The following ERBB4 variants were observed in gnomAD, a reference collection of about 807,000 sequenced individuals.
The protein encoded by ERBB4 is receptor tyrosine-protein kinase erbB-4.
A neutral mutation model predicts 158.0 loss-of-function variants in ERBB4; 42 were observed. That is an observed-to-expected ratio of 0.27 (90% CI 0.21 to 0.34). The LOEUF (loss-of-function observed/expected upper bound fraction) is 0.34. ERBB4 is among the 10% of genes least tolerant of loss of function. The pLI, the probability that ERBB4 is intolerant of heterozygous loss-of-function variation, is 1.00. For missense variants in ERBB4, 1,333 were observed against 1,624.1 expected (o/e 0.82, Z 3.08); for synonymous variants, 583 against 558.7 (o/e 1.04, Z -0.61).
chr2:211,944,177 CTATATA>C (rs59741173), intron 3 of ERBB4, among the ~76,000 whole-genome samples: 504 of 38,576 alleles, frequency 0.013, 18 homozygotes, highest in South Asian at 0.03. Flanking sequence ...TATATATATA[CTATATA>C]TATATATATA....
At chr2:212,066,172 A>C (rs2077941879) in intron 2 of ERBB4, among the ~76,000 whole-genome samples, 2 of 151,944 alleles carry the variant, frequency 1.3e-5, no homozygotes, top group South Asian at 4.1e-4. Context: ...GAGCAACAGG[A>C]GTAAATTTAA....
At chr2:211,939,631 T>A (rs1310980109) in intron 3 of ERBB4, among the ~76,000 whole-genome samples, 1 of 152,100 alleles carries the variant, frequency 6.6e-6, no homozygotes, top group Non-Finnish European at 1.5e-5. Flanking sequence ...AAAAATAGCA[T>A]GCACTCTTCA....
chr2:212,105,935 A>G (rs1182826222), intron 2 of ERBB4, among the ~76,000 whole-genome samples: 1 of 152,192 alleles, frequency 6.6e-6, no homozygotes, highest in Non-Finnish European at 1.5e-5. Flanking sequence ...GCCTCTGTGT[A>G]AGACATGTCT....
intron 20 of ERBB4, among the ~76,000 whole-genome samples, chr2:211,553,455 A>C (rs1007966995): frequency 7.9e-5 from 12 of 152,208 alleles, no homozygotes; most frequent in African/African-American, 2.9e-4. Context: ...AACAAATGCT[A>C]AATACTTTGT....
chr2:212,254,610 C>T (rs80114373), intron 1 of ERBB4, among the ~76,000 whole-genome samples: 1,692 of 152,112 alleles, frequency 0.011, 39 homozygotes, highest in African/African-American at 0.038. Flanking sequence ...TGACACCATT[C>T]CCCACGAATC....
chr2:212,524,216 G>A (rs571182777), intron 1 of ERBB4, among the ~76,000 whole-genome samples: 2 of 151,950 alleles, frequency 1.3e-5, no homozygotes, highest in African/African-American at 4.8e-5. Context: ...TTAAGCTGAC[G>A]TTCATAATTT....
At chr2:211,889,036 T>C (rs1423127340) in intron 3 of ERBB4, among the ~76,000 whole-genome samples, 3 of 142,846 alleles carry the variant, frequency 2.1e-5, no homozygotes, top group Non-Finnish European at 3.0e-5. Flanking sequence ...TCGAACTGGG[T>C]AGAGCCCACC....
intron 1 of ERBB4, among the ~76,000 whole-genome samples, chr2:212,297,628 C>T (rs1048030055): frequency 2.0e-5 from 3 of 150,178 alleles, no homozygotes; most frequent in South Asian, 2.1e-4. Flanking sequence ...ATTATTTGAT[C>T]ACTGGCTACT....
At chr2:211,522,538 T>C (rs898260377) in intron 20 of ERBB4, among the ~76,000 whole-genome samples, 6 of 152,150 alleles carry the variant, frequency 3.9e-5, no homozygotes, top group Non-Finnish European at 5.9e-5. Context: ...TATATAAACT[T>C]AGTTGATGGA....
At chr2:212,293,367 T>A (rs2086278548) in intron 1 of ERBB4, among the ~76,000 whole-genome samples, 3 of 151,946 alleles carry the variant, frequency 2.0e-5, no homozygotes, top group African/African-American at 7.2e-5. Context: ...TATTCCATAA[T>A]AAAAATCTGA....
At chr2:211,558,073 C>A (rs1030450241) in intron 20 of ERBB4, among the ~76,000 whole-genome samples, 3 of 152,098 alleles carry the variant, frequency 2.0e-5, no homozygotes, top group Non-Finnish European at 2.9e-5. Context: ...GATGAGAATG[C>A]ATGGATACAC....
At chr2:211,436,367 T>C (rs2063854873) in intron 20 of ERBB4, among the ~76,000 whole-genome samples, 1 of 148,710 alleles carries the variant, frequency 6.7e-6, no homozygotes, top group Admixed American at 6.6e-5. Context: ...GTAGATTCTG[T>C]GGTCAATTGC....
chr2:212,434,183 C>A (rs1438630201), intron 1 of ERBB4, among the ~76,000 whole-genome samples: 2 of 151,848 alleles, frequency 1.3e-5, no homozygotes, highest in Non-Finnish European at 2.9e-5. Context: ...AAATTGTGTC[C>A]TCTGGAGTTT....
At chr2:212,297,431 T>C (rs1000838048) in intron 1 of ERBB4, among the ~76,000 whole-genome samples, 8 of 151,958 alleles carry the variant, frequency 5.3e-5, no homozygotes, top group African/African-American at 1.9e-4. Flanking sequence ...CGATGGTATA[T>C]ATGTGATCCA....
chr2:211,499,607 T>A (rs1040768919), intron 20 of ERBB4, among the ~76,000 whole-genome samples: 1 of 152,092 alleles, frequency 6.6e-6, no homozygotes, highest in African/African-American at 2.4e-5. Context: ...ACACACATAC[T>A]AAGCAACAGA....
chr2:211,633,600 A>G (rs1390775396), intron 16 of ERBB4, among the ~76,000 whole-genome samples: 2 of 143,862 alleles, frequency 1.4e-5, no homozygotes, highest in Non-Finnish European at 1.5e-5. Context: ...ATGTTTTTAT[A>G]TAAGTTGTGT....
intron 1 of ERBB4, among the ~76,000 whole-genome samples, chr2:212,240,050 C>T (rs2084025706): frequency 6.6e-6 from 1 of 152,142 alleles, no homozygotes; most frequent in Non-Finnish European, 1.5e-5. Context: ...ACACCTGAGT[C>T]ATTCTGAGGT....
At chr2:212,378,543 TGAGA>T (rs537611181) in intron 1 of ERBB4, among the ~76,000 whole-genome samples, 4 of 151,868 alleles carry the variant, frequency 2.6e-5, no homozygotes, top group Admixed American at 2.0e-4. Flanking sequence ...AAATCAGCCT[TGAGA>T]GAGTTATTTT....
chr2:212,471,273 A>C (rs983880156), intron 1 of ERBB4, among the ~76,000 whole-genome samples: 3 of 152,050 alleles, frequency 2.0e-5, no homozygotes, highest in African/African-American at 7.2e-5. Flanking sequence ...TATTACTTAA[A>C]TAGTATTGTG....
Sources: gnomAD v4.1 joint callset for allele counts (sites outside exome capture counted in the v4.1 genomes callset) on GRCh38, gnomAD v4.1.1 for gene constraint, MANE v1.5 for transcripts, NCBI Gene and HGNC (gene_info 2026-07-23, HGNC 2026-07-21) for gene names.